DCC: variants seen among roughly 807,000 people sequenced by gnomAD.
The protein encoded by DCC is DCC netrin 1 receptor.
DCC carries 58 observed loss-of-function variants against 172.5 expected under a neutral mutation model. The observed-to-expected ratio is 0.34, with a 90% CI of 0.27 to 0.42. The LOEUF is 0.42. Among genes scored for constraint, DCC ranks in the 10% least tolerant of loss-of-function variants. DCC has a pLI of 1.00. For missense variants in DCC, 1,740 were observed against 1,791.0 expected (o/e 0.97, Z 0.51); for synonymous variants, 709 against 644.5 (o/e 1.10, Z -1.52).
At chr18:52,792,805 AG>A (rs1373243555) in intron 2 of DCC, among the ~76,000 whole-genome samples, 7 of 52,940 alleles carry the variant, frequency 1.3e-4, no homozygotes, top group Non-Finnish European at 2.2e-4. Flanking sequence ...ATTCCATTCC[AG>A]TTGATTCAAT....
chr18:52,941,496 GTGTGTGTA>G (rs1479347314), intron 5 of DCC, among the ~76,000 whole-genome samples: 1 of 123,002 alleles, frequency 8.1e-6, no homozygotes, highest in Admixed American at 7.7e-5. Flanking sequence ...TTGTGTGTGT[GTGTGTGTA>G]TATATATATA....
In DCC at chr18:52,784,931, G is replaced by T. The variant is rs868436918; in HGVS notation, c.412+32557G>T. On this transcript the variant is annotated intron_variant, in intron 2 of 28. Coordinates refer to ENST00000442544, the MANE Select transcript of DCC (RefSeq NM_005215.4). ...GGGGGAGAGAGAGAGAGAAGAGAAGGGGGGAGAGAGAGAGAGAGACAGAGA... is the reference window on the plus strand; with the variant it reads ...GGGGGAGAGAGAGAGAGAAGAGAAGTGGGGAGAGAGAGAGAGAGACAGAGA... Among the ~76,000 whole-genome samples, 33 of 139,052 alleles carry T rather than the reference G, an allele frequency of 2.4e-4. No homozygotes were observed. The Middle Eastern group carries it at 0.014, about 58-fold the overall frequency. The allele number at this position is 139,052 out of a possible 152,430, so 91.2% of individuals were successfully genotyped here. A position where few individuals can be genotyped will look rare whatever the true frequency, so the allele number is the denominator to read the frequency against.
intron 1 of DCC, among the ~76,000 whole-genome samples, chr18:52,455,228 C>T (rs1272224840): frequency 1.3e-5 from 2 of 151,992 alleles, no homozygotes; most frequent in Non-Finnish European, 2.9e-5. Context: ...CCTTCATCAT[C>T]GTGTTTCAAT....
chr18:52,668,835 A>G (rs1599003756), intron 1 of DCC, among the ~76,000 whole-genome samples: 1 of 152,360 alleles, frequency 6.6e-6, no homozygotes, highest in East Asian at 1.9e-4. Context: ...GAGCTTCAAC[A>G]AATTATTTTG....
intron 11 of DCC, among the ~76,000 whole-genome samples, chr18:53,212,352 T>G (rs1053350910): frequency 6.6e-6 from 1 of 152,204 alleles, no homozygotes; most frequent in Non-Finnish European, 1.5e-5. Context: ...AGAAGCGTCT[T>G]GGGAAGACAA....
intron 11 of DCC, 145 bp from the exon 12 acceptor site, chr18:53,215,403 A>G: frequency 1.4e-6 from 1 of 720,948 alleles, no homozygotes; most frequent in Non-Finnish European, 2.5e-6. Flanking sequence ...CTCTCCAAAA[A>G]TTTTTGAAGT....
At chr18:53,412,705 C>T (rs760401072) in intron 20 of DCC, among the ~76,000 whole-genome samples, 8 of 152,168 alleles carry the variant, frequency 5.3e-5, no homozygotes, top group African/African-American at 9.6e-5. Flanking sequence ...CAGGTGTCCA[C>T]GAACGTCATT....
At position 53,379,770 on chromosome 18, in the gene DCC, C is replaced by A. The variant is rs557221619; in HGVS notation, c.2360-6273C>A. Among the ~76,000 whole-genome samples the A allele has an allele frequency of 1.7e-4, 26 of 152,178 alleles. 1 individual carries two copies. The South Asian group carries it at 4.6e-3, about 27-fold the overall frequency. On this transcript the variant is annotated intron_variant, in intron 15 of 28. Coordinates refer to ENST00000442544, the MANE Select transcript of DCC (RefSeq NM_005215.4). Reference sequence around the variant, plus strand: ...AAATATTTCTTCAGTTTCCTTTATCCCAAACTGAGGTGTTCTACAAGAAAG... The same window carrying A: ...AAATATTTCTTCAGTTTCCTTTATCACAAACTGAGGTGTTCTACAAGAAAG...
intron 25 of DCC, among the ~76,000 whole-genome samples, chr18:53,472,288 C>T (rs958446819): frequency 9.2e-5 from 14 of 152,094 alleles, no homozygotes; most frequent in African/African-American, 2.2e-4. Flanking sequence ...ACAGCTAGTA[C>T]GTGCTATAGC....
At chr18:53,527,712 T>C (rs1486014803) in intron 28 of DCC, among the ~76,000 whole-genome samples, 2 of 151,880 alleles carry the variant, frequency 1.3e-5, no homozygotes, top group African/African-American at 4.8e-5. Flanking sequence ...AAAAAAACAT[T>C]TATCCCGAAA....
chr18:52,367,761 G>A (rs1380456294), intron 1 of DCC, among the ~76,000 whole-genome samples: 1 of 152,190 alleles, frequency 6.6e-6, no homozygotes, highest in Admixed American at 6.5e-5. Flanking sequence ...GCAGTCCTTT[G>A]AATGAGAATA....
intron 12 of DCC, among the ~76,000 whole-genome samples, chr18:53,217,464 G>T (rs1194870116): frequency 3.9e-5 from 6 of 151,932 alleles, no homozygotes; most frequent in African/African-American, 1.2e-4. Flanking sequence ...TTGTTCATTC[G>T]CTTTTCAGAA....
intron 12 of DCC, among the ~76,000 whole-genome samples, chr18:53,243,483 G>A (rs2056329221): frequency 6.6e-6 from 1 of 152,142 alleles, no homozygotes; most frequent in East Asian, 1.9e-4. Flanking sequence ...ACCCACCAGA[G>A]GCTAACAAAT....
chr18:52,699,511 T>C (rs1042147446), intron 1 of DCC, among the ~76,000 whole-genome samples: 4 of 152,246 alleles, frequency 2.6e-5, no homozygotes, highest in African/African-American at 7.2e-5. Context: ...TCATTACTCA[T>C]CTTCAAGTAT....
At chr18:52,899,732 G>C (rs1182376610) in intron 2 of DCC, among the ~76,000 whole-genome samples, 1 of 151,848 alleles carries the variant, frequency 6.6e-6, no homozygotes, top group Non-Finnish European at 1.5e-5. Flanking sequence ...CTGTCCTTCA[G>C]TGATCCTCCC....
chr18:52,746,159 C>T (rs182758538), intron 1 of DCC, among the ~76,000 whole-genome samples: 1 of 152,156 alleles, frequency 6.6e-6, no homozygotes, highest in East Asian at 1.9e-4. Flanking sequence ...CAATGGAGGT[C>T]TCTTTATTTG....
At chr18:52,437,381 G>T (rs1987831025) in intron 1 of DCC, among the ~76,000 whole-genome samples, 1 of 152,134 alleles carries the variant, frequency 6.6e-6, no homozygotes, top group Non-Finnish European at 1.5e-5. Context: ...GATGGTCACA[G>T]CAAGATAAAT....
chr18:53,522,634 T>C (rs1029264695), intron 27 of DCC, among the ~76,000 whole-genome samples: 80 of 152,116 alleles, frequency 5.3e-4, no homozygotes, highest in Non-Finnish European at 1.8e-4. Context: ...AACCATCTGA[T>C]CTTTGACAAA....
chr18:53,354,094 A>AT lies in DCC; in HGVS notation c.2359+14187_2359+14188insT, dbSNP rs923258254. 1.1e-3 allele frequency among the ~76,000 whole-genome samples: 166 copies of AT among 152,186 alleles called. 1 individual carries two copies. Among genetic ancestry groups the AT allele is most frequent in the African/African-American group, 3.9e-3 (161 of 41,518 alleles). ...ATGTCCCTACAAAGGACATGAACTC[A>AT]CCCTTTTTTATGGCTGCATAGTATC... On this transcript the variant is annotated intron_variant, in intron 15 of 28. Coordinates refer to ENST00000442544, the MANE Select transcript of DCC (RefSeq NM_005215.4).
Sources: gnomAD v4.1 joint callset for allele counts (sites outside exome capture counted in the v4.1 genomes callset) on GRCh38, gnomAD v4.1.1 for gene constraint, MANE v1.5 for transcripts, NCBI Gene and HGNC (gene_info 2026-07-23, HGNC 2026-07-21) for gene names.